The following SYN2 variants were observed in gnomAD, a reference collection of about 807,000 sequenced individuals.
SYN2 encodes synapsin II.
A neutral mutation model predicts 50.9 loss-of-function variants in SYN2; 19 were observed. The ratio of observed to expected loss-of-function variants is 0.37; its 90% CI spans 0.26 to 0.55. The LOEUF (loss-of-function observed/expected upper bound fraction) is 0.55, where lower values mean the gene tolerates loss of function less well. Among genes scored for constraint, SYN2 ranks in the 20% least tolerant of loss-of-function variants. The pLI, the probability that SYN2 is intolerant of heterozygous loss-of-function variation, is 0.81. For missense variants in SYN2, 587 were observed against 576.4 expected, an observed-to-expected ratio of 1.02 and a Z score of -0.19; for synonymous variants, 255 against 224.9, an observed-to-expected ratio of 1.13 and a Z score of -1.20.
intron 12 of SYN2, 37 bp downstream of exon 12, chr3:12,187,649 C>T (rs1299724081): frequency 1.3e-6 from 2 of 1,505,200 alleles, no homozygotes; most frequent in Non-Finnish European, 1.8e-6. Context: ...CTCCCCTCCT[C>T]CTACCCTTCC....
intron 1 of SYN2, among the ~76,000 whole-genome samples, chr3:12,054,005 C>G (rs1272374784): frequency 6.6e-6 from 1 of 152,050 alleles, no homozygotes; most frequent in Middle Eastern, 3.2e-3. Flanking sequence ...AATCCCAGGG[C>G]AGCAAGAATG....
At chr3:12,179,374 G>GAAAAAAAAAAAAAAAA (rs536283283) in intron 10 of SYN2, among the ~76,000 whole-genome samples, 1 of 92,564 alleles carries the variant, frequency 1.1e-5, no homozygotes, top group African/African-American at 4.0e-5. Context: ...AGAACTGAAA[G>GAAAAAAAAAAAAAAAA]AAAAAAAAAA....
chr3:12,184,372 C>T (rs1442688948), intron 11 of SYN2: 1 of 985,742 alleles, frequency 1.0e-6, no homozygotes, highest in African/African-American at 1.7e-5. Context: ...CAAAGCTTGA[C>T]CTGTGTACAG....
chr3:12,181,864 T>A (rs1204961493), intron 10 of SYN2, among the ~76,000 whole-genome samples: 1 of 152,180 alleles, frequency 6.6e-6, no homozygotes, highest in East Asian at 1.9e-4. Flanking sequence ...GGTTTCCAGC[T>A]GGCTTCCCGG....
At chr3:12,042,645 C>G (rs1193250079) in intron 1 of SYN2, among the ~76,000 whole-genome samples, 2 of 152,146 alleles carry the variant, frequency 1.3e-5, no homozygotes, top group Non-Finnish European at 2.9e-5. Context: ...TCCCCCAATT[C>G]AGGTCCACCT....
intron 1 of SYN2, among the ~76,000 whole-genome samples, chr3:12,075,602 A>G (rs2125170942): frequency 6.6e-6 from 1 of 152,194 alleles, no homozygotes; most frequent in Admixed American, 6.5e-5. Flanking sequence ...AGTTTTCTTT[A>G]AATTAGAAAA....
At chr3:12,052,039 G>A (rs747996905) in intron 1 of SYN2, among the ~76,000 whole-genome samples, 3 of 152,136 alleles carry the variant, frequency 2.0e-5, no homozygotes, top group African/African-American at 4.8e-5. Flanking sequence ...TTTGACAAAT[G>A]TTTTGGTTTT....
intron 4 of SYN2, 140 bp downstream of exon 4, chr3:12,145,975 C>T (rs778610396): frequency 7.4e-5 from 90 of 1,217,740 alleles, no homozygotes; most frequent in South Asian, 7.2e-4. Context: ...GGAGGGTCCT[C>T]AAGATGCAGT....
rs1698451646 is a variant in SYN2 at position 12,191,953 on chromosome 3, T to C, written c.*1328T>C. On this transcript the variant is annotated 3_prime_UTR_variant, in exon 13 of 13. Transcript: ENST00000621198. ...TTCATGACTCCCTGATACTCAAGTA[T>C]ATTTTCCCAAAGACCACGGATGCTG... 6.6e-6 allele frequency among the ~76,000 whole-genome samples: 1 copy of C among 152,190 alleles called. No homozygotes were observed. Among genetic ancestry groups the C allele is most frequent in the Admixed American group, 6.5e-5 (1 of 15,290 alleles).
At chr3:12,104,575 T>C (rs1465611676) in intron 1 of SYN2, among the ~76,000 whole-genome samples, 5 of 127,522 alleles carry the variant, frequency 3.9e-5, no homozygotes, top group Non-Finnish European at 4.9e-5. Flanking sequence ...CTTTTCTTTT[T>C]TTTTTTTTTT....
chr3:12,134,392 G>C (rs1696853152), intron 1 of SYN2, among the ~76,000 whole-genome samples: 1 of 152,164 alleles, frequency 6.6e-6, no homozygotes, highest in Non-Finnish European at 1.5e-5. Context: ...CCTGCCTTGG[G>C]AACCTCTGGT....
At chr3:12,101,885 T>C (rs1360101168) in intron 1 of SYN2, among the ~76,000 whole-genome samples, 2 of 152,128 alleles carry the variant, frequency 1.3e-5, no homozygotes, top group African/African-American at 4.8e-5. Context: ...AACAGCAATG[T>C]CCAGTTGCCT....
chr3:12,072,161 C>G (rs1315015393), intron 1 of SYN2, among the ~76,000 whole-genome samples: 1 of 151,896 alleles, frequency 6.6e-6, no homozygotes, highest in African/African-American at 2.4e-5. Context: ...CTATTTAAAT[C>G]TTTTGACTGT....
chr3:12,160,877 G>A (rs1697630140), intron 5 of SYN2, among the ~76,000 whole-genome samples: 3 of 152,192 alleles, frequency 2.0e-5, no homozygotes, highest in Admixed American at 2.0e-4. Context: ...GTTAAAGTAT[G>A]GCTACCTCAG....
At chr3:12,129,368 C>CT (rs1212209571) in intron 1 of SYN2, among the ~76,000 whole-genome samples, 2 of 152,152 alleles carry the variant, frequency 1.3e-5, no homozygotes, top group Non-Finnish European at 2.9e-5. Flanking sequence ...GAAATGGGTA[C>CT]TGTCCTTACC....
intron 1 of SYN2, among the ~76,000 whole-genome samples, chr3:12,007,454 A>G (rs1022741270): frequency 2.6e-5 from 4 of 152,260 alleles, no homozygotes; most frequent in African/African-American, 4.8e-5. Flanking sequence ...AAAAGTCTCT[A>G]TGAGTTAAGG....
At chr3:12,090,784 A>C (rs917709730) in intron 1 of SYN2, among the ~76,000 whole-genome samples, 2 of 152,146 alleles carry the variant, frequency 1.3e-5, no homozygotes, top group Non-Finnish European at 2.9e-5. Context: ...CAGACTGGCT[A>C]GGGAGTGATT....
chr3:12,089,534 G>A (rs1198398990), intron 1 of SYN2, among the ~76,000 whole-genome samples: 1 of 152,176 alleles, frequency 6.6e-6, no homozygotes, highest in Non-Finnish European at 1.5e-5. Flanking sequence ...AAAAAGCTGG[G>A]TACAGCAGCA....
Position 12,191,018 on chromosome 3 carries a change from C to T in SYN2, c.*393C>T, listed in dbSNP as rs1314800323. The T allele has an allele frequency of 7.1e-5, 71 of 999,484 alleles. No homozygotes were observed. Among genetic ancestry groups the T allele is most frequent in the Non-Finnish European group, 8.2e-5 (69 of 839,746 alleles). The allele number at this position is 999,484 out of a possible 1,614,324, so 61.9% of individuals were successfully genotyped here. On this transcript the variant is annotated 3_prime_UTR_variant, in exon 13 of 13. Transcript: ENST00000621198. ...CTCAGTTGCAGTGCTAAGCATGCCCCGCCCCCATTCAGTGATACCTGTTTG... is the reference window on the plus strand; with the variant it reads ...CTCAGTTGCAGTGCTAAGCATGCCCTGCCCCCATTCAGTGATACCTGTTTG...
Sources: allele counts gnomAD v4.1 joint callset (sites outside exome capture counted in the v4.1 genomes callset), GRCh38; gene constraint gnomAD v4.1.1; transcripts MANE v1.5; gene names NCBI Gene and HGNC (gene_info 2026-07-23, HGNC 2026-07-21).